Variants in EXOC6B observed in about 807,000 individuals in gnomAD.
EXOC6B encodes SEC15 homolog B.
EXOC6B carries 54 observed loss-of-function variants against 113.5 expected under a neutral mutation model. The ratio of observed to expected loss-of-function variants is 0.48; its 90% CI spans 0.38 to 0.60. The LOEUF (loss-of-function observed/expected upper bound fraction) is 0.60. Among genes scored for constraint, EXOC6B ranks in the 20% least tolerant of loss-of-function variants. EXOC6B has a pLI of 0.00. For synonymous variants in EXOC6B, 357 were observed against 339.0 expected (o/e 1.05, Z -0.58); for missense variants, 797 against 977.5 (o/e 0.82, Z 2.46).
At chr2:72,453,075 G>T (rs970980290) in intron 18 of EXOC6B, among the ~76,000 whole-genome samples, 2 of 152,106 alleles carry the variant, frequency 1.3e-5, no homozygotes, top group African/African-American at 4.8e-5. Context: ...CTAGTTTACT[G>T]TAGCAAAAAG....
intron 20 of EXOC6B, among the ~76,000 whole-genome samples, chr2:72,234,131 G>C (rs1338827514): frequency 6.8e-6 from 1 of 147,120 alleles, no homozygotes; most frequent in Admixed American, 6.9e-5. Context: ...CTGACGCCTA[G>C]GCTGGAGTGC....
intron 1 of EXOC6B, among the ~76,000 whole-genome samples, chr2:72,770,831 G>A (rs1683369236): frequency 6.6e-6 from 1 of 151,938 alleles, no homozygotes; most frequent in African/African-American, 2.4e-5. Flanking sequence ...GAGACAGAGA[G>A]AACTGAGGAT....
chr2:72,408,802 A>T (rs1222482164), intron 18 of EXOC6B, among the ~76,000 whole-genome samples: 1 of 152,214 alleles, frequency 6.6e-6, no homozygotes, highest in Non-Finnish European at 1.5e-5. Context: ...GGACATAGGC[A>T]TGGGCAAGGA....
At chr2:72,479,111 G>A (rs1698922954) in intron 17 of EXOC6B, among the ~76,000 whole-genome samples, 1 of 151,970 alleles carries the variant, frequency 6.6e-6, no homozygotes, top group Non-Finnish European at 1.5e-5. Flanking sequence ...ATCTAAATTA[G>A]TATCATTAGA....
At chr2:72,720,954 A>T (rs1679962678) in intron 5 of EXOC6B, among the ~76,000 whole-genome samples, 1 of 152,162 alleles carries the variant, frequency 6.6e-6, no homozygotes, top group Non-Finnish European at 1.5e-5. Flanking sequence ...AAAGCTGAAT[A>T]GGTAGAAACG....
intron 19 of EXOC6B, among the ~76,000 whole-genome samples, chr2:72,353,526 C>T (rs1689790558): frequency 6.6e-6 from 1 of 151,950 alleles, no homozygotes; most frequent in Non-Finnish European, 1.5e-5. Context: ...CACCTGCCAC[C>T]ATGCCCGGCT....
At chr2:72,717,055 T>C (rs1396050409) in intron 6 of EXOC6B, among the ~76,000 whole-genome samples, 2 of 152,200 alleles carry the variant, frequency 1.3e-5, no homozygotes, top group Non-Finnish European at 2.9e-5. Context: ...CTATAAGCAA[T>C]GAAATCATAT....
chr2:72,730,971 G>A lies in EXOC6B; in HGVS notation c.464+36C>T. The A allele has an allele frequency of 2.8e-6, 4 of 1,440,766 alleles. No individual in the cohort carries two copies. In the South Asian group the frequency reaches 5.5e-5, roughly 20 times the overall value. 89.2% of individuals were successfully genotyped at this position (1,440,766 alleles called of 1,614,324 possible). A position where few individuals can be genotyped will look rare whatever the true frequency, so the allele number is the denominator to read the frequency against. Reference sequence around the variant, plus strand: ...CGTATTCTAAACAACAGAAATTTTAGATAGTAAAAACTGTTCGATTAAAAA... The same window carrying A: ...CGTATTCTAAACAACAGAAATTTTAAATAGTAAAAACTGTTCGATTAAAAA... On this transcript the variant is annotated intron_variant, in intron 5 of 21. Transcript: ENST00000272427.
chr2:72,615,506 T>C (rs1671326665), intron 6 of EXOC6B, among the ~76,000 whole-genome samples: 1 of 151,488 alleles, frequency 6.6e-6, no homozygotes, highest in Non-Finnish European at 1.5e-5. Context: ...TCAAGTAACA[T>C]TTATGGTCAA....
chr2:72,229,269 T>G (rs1380064580), intron 20 of EXOC6B, among the ~76,000 whole-genome samples: 1 of 152,094 alleles, frequency 6.6e-6, no homozygotes, highest in Non-Finnish European at 1.5e-5. Context: ...GTTCAGGATA[T>G]ACTACATTTG....
At chr2:72,796,538 G>A (rs1684963842) in intron 1 of EXOC6B, among the ~76,000 whole-genome samples, 1 of 150,718 alleles carries the variant, frequency 6.6e-6, no homozygotes, top group African/African-American at 2.4e-5. Flanking sequence ...TGCTCTTCAA[G>A]AACAGGAACT....
At position 72,379,810 on chromosome 2, in the gene EXOC6B, G is replaced by T. The variant is rs374773725; in HGVS notation, c.2041C>A (p.Gln681Lys). The stretch of plus-strand genomic sequence containing the variant: ...CGCACTTCAGCTTCCAACAAAAGTT[G>T]CATCAAGGATGTGGCTAAATGCTTG... Reference protein sequence around the residue: ...ACKHLATSLMQLLLEAEVRQL... With the variant: ...ACKHLATSLMKLLLEAEVRQL... The change falls in exon 19 of 22, where the codon CAA becomes AAA. Residue 681 changes from glutamine (Q) to lysine (K), a missense_variant. Gln to Lys is a moderately conservative substitution (Grantham distance 53). Transcript: ENST00000272427. 1.9e-6 allele frequency: 3 copies of T among 1,613,092 alleles called. No homozygotes were observed. The highest frequency in any genetic ancestry group is 2.2e-5 in the South Asian group (2 of 90,926).
In EXOC6B at chr2:72,383,340, T is replaced by C. The variant is rs112439558; in HGVS notation, c.1981-3470A>G. On this transcript the variant is annotated intron_variant, in intron 18 of 21. Coordinates refer to ENST00000272427, the MANE Select transcript of EXOC6B (RefSeq NM_015189.3). Reference sequence around the variant, plus strand: ...CCCCTTAAAAAGTAGGCAAAGGACATAAACAGCCACTTTTCAAAAGAAGTC... The same window carrying C: ...CCCCTTAAAAAGTAGGCAAAGGACACAAACAGCCACTTTTCAAAAGAAGTC... Among the ~76,000 whole-genome samples the C allele has an allele frequency of 5.3e-4, 80 of 152,114 alleles. 1 individual carries two copies. Among genetic ancestry groups the C allele is most frequent in the African/African-American group, 1.9e-3 (79 of 41,510 alleles).
chr2:72,314,340 C>G (rs1687383690), intron 20 of EXOC6B, among the ~76,000 whole-genome samples: 2 of 152,184 alleles, frequency 1.3e-5, no homozygotes, highest in African/African-American at 2.4e-5. Flanking sequence ...ATTCACAACA[C>G]ACTTTTCCAA....
chr2:72,364,816 C>T (rs777195708), intron 19 of EXOC6B, among the ~76,000 whole-genome samples: 2 of 152,104 alleles, frequency 1.3e-5, no homozygotes, highest in African/African-American at 2.4e-5. Context: ...GTTGATCATT[C>T]GCAAAAGTTC....
At chr2:72,352,931 C>T (rs143287805) in intron 19 of EXOC6B, among the ~76,000 whole-genome samples, 11 of 152,078 alleles carry the variant, frequency 7.2e-5, no homozygotes, top group African/African-American at 2.2e-4. Context: ...AGTTTACTGA[C>T]GTCCGCCCTA....
chr2:72,238,155 A>G (rs993818217), intron 20 of EXOC6B, among the ~76,000 whole-genome samples: 1 of 152,198 alleles, frequency 6.6e-6, no homozygotes, highest in African/African-American at 2.4e-5. Flanking sequence ...TGTAGATGGA[A>G]TCATATAATA....
chr2:72,306,704 A>G (rs1686880590), intron 20 of EXOC6B, among the ~76,000 whole-genome samples: 1 of 152,180 alleles, frequency 6.6e-6, no homozygotes, highest in African/African-American at 2.4e-5. Context: ...TATACTGCTA[A>G]ACTATTCTCC....
At chr2:72,367,222 T>C (rs1298396908) in intron 19 of EXOC6B, among the ~76,000 whole-genome samples, 1 of 152,088 alleles carries the variant, frequency 6.6e-6, no homozygotes, top group Non-Finnish European at 1.5e-5. Flanking sequence ...ATAATATTAT[T>C]TTAAGGTATT....
Sources: allele counts gnomAD v4.1 joint callset (sites outside exome capture counted in the v4.1 genomes callset), GRCh38; gene constraint gnomAD v4.1.1; transcripts MANE v1.5; gene names NCBI Gene and HGNC (gene_info 2026-07-23, HGNC 2026-07-21).